The following ASIC2 variants were observed in gnomAD, a reference collection of about 807,000 sequenced individuals.
ASIC2 encodes the protein acid sensing ion channel subunit 2.
ASIC2 carries 25 observed loss-of-function variants against 57.3 expected under a neutral mutation model. That is an observed-to-expected ratio of 0.44 (90% CI 0.32 to 0.61). The LOEUF (loss-of-function observed/expected upper bound fraction) is 0.61. Ranked by LOEUF, ASIC2 falls within the 20% of genes least tolerant of loss-of-function variation. ASIC2 has a pLI of 0.06. For missense variants in ASIC2, 641 were observed against 738.1 expected (o/e 0.87, Z 1.52); for synonymous variants, 319 against 307.5 (o/e 1.04, Z -0.39).
At chr17:33,374,913 T>C (rs566977576) in intron 1 of ASIC2, among the ~76,000 whole-genome samples, 2 of 152,294 alleles carry the variant, frequency 1.3e-5, no homozygotes, top group East Asian at 1.9e-4. Flanking sequence ...ATGAGAGTTA[T>C]GGAGAATAAC....
chr17:34,137,668 T>C (rs1912162096), intron 1 of ASIC2, among the ~76,000 whole-genome samples: 1 of 152,164 alleles, frequency 6.6e-6, no homozygotes, highest in Admixed American at 6.5e-5. Context: ...ATTGGGTAGC[T>C]TACAAACAAC....
intron 1 of ASIC2, among the ~76,000 whole-genome samples, chr17:33,424,381 A>G (rs1212627343): frequency 1.3e-5 from 2 of 152,186 alleles, no homozygotes; most frequent in Non-Finnish European, 2.9e-5. Context: ...GAGAGAAACT[A>G]GGGGGTTATA....
chr17:33,321,897 G>A (rs902203284), intron 1 of ASIC2, among the ~76,000 whole-genome samples: 1 of 152,194 alleles, frequency 6.6e-6, no homozygotes, highest in African/African-American at 2.4e-5. Flanking sequence ...GGCTGGTTTG[G>A]ACCAGACATT....
intron 1 of ASIC2, among the ~76,000 whole-genome samples, chr17:34,088,683 G>A (rs1355395888): frequency 1.3e-5 from 2 of 152,186 alleles, no homozygotes; most frequent in Admixed American, 6.5e-5. Flanking sequence ...GCTGTGGTGG[G>A]CTCCACCCAG....
At chr17:33,565,942 C>G (rs911971413) in intron 1 of ASIC2, 1 of 152,254 alleles carries the variant, frequency 6.6e-6, no homozygotes. Context: ...ACTGTCACAC[C>G]TGGGGCTGAT....
At chr17:33,454,733 C>A (rs1451506137) in intron 1 of ASIC2, among the ~76,000 whole-genome samples, 1 of 152,138 alleles carries the variant, frequency 6.6e-6, no homozygotes, top group Non-Finnish European at 1.5e-5. Context: ...GCTGAGAATT[C>A]CAAGATCAAG....
intron 3 of ASIC2, among the ~76,000 whole-genome samples, chr17:33,033,028 G>T (rs1423701617): frequency 6.6e-6 from 1 of 152,084 alleles, no homozygotes; most frequent in East Asian, 1.9e-4. Flanking sequence ...CCAACACTTT[G>T]GGAGGCAAGG....
At chr17:33,584,005 G>A (rs1224929444) in intron 1 of ASIC2, among the ~76,000 whole-genome samples, 4 of 152,166 alleles carry the variant, frequency 2.6e-5, no homozygotes, top group Non-Finnish European at 4.4e-5. Flanking sequence ...AGAGCTACAG[G>A]CCTTTTGGAT....
chr17:33,352,505 A>G (rs2142250289), intron 1 of ASIC2, among the ~76,000 whole-genome samples: 1 of 152,284 alleles, frequency 6.6e-6, no homozygotes, highest in Non-Finnish European at 1.5e-5. Context: ...GAGAAGCTTT[A>G]GAGAAGATGA....
At chr17:34,100,522 A>G (rs1451381910) in intron 1 of ASIC2, among the ~76,000 whole-genome samples, 1 of 152,168 alleles carries the variant, frequency 6.6e-6, no homozygotes, top group Non-Finnish European at 1.5e-5. Context: ...AATTATCTTC[A>G]GACTTTGTCA....
chr17:33,870,661 G>C (rs1048552327), intron 1 of ASIC2, among the ~76,000 whole-genome samples: 1 of 152,080 alleles, frequency 6.6e-6, no homozygotes, highest in Admixed American at 6.5e-5. Flanking sequence ...GAGCCTCTTA[G>C]AAATAGGGAA....
intron 1 of ASIC2, among the ~76,000 whole-genome samples, chr17:33,982,247 T>G (rs1905652515): frequency 6.6e-6 from 1 of 152,222 alleles, no homozygotes; most frequent in Non-Finnish European, 1.5e-5. Context: ...TTATTTACCC[T>G]GCAATTACAT....
chr17:34,082,551 A>G (rs752690123), intron 1 of ASIC2, among the ~76,000 whole-genome samples: 6 of 152,212 alleles, frequency 3.9e-5, no homozygotes, highest in Non-Finnish European at 8.8e-5. Context: ...GACTGATAAA[A>G]ATACTACCAA....
At chr17:33,664,338 C>T (rs1436523275) in intron 1 of ASIC2, among the ~76,000 whole-genome samples, 6 of 152,202 alleles carry the variant, frequency 3.9e-5, no homozygotes, top group African/African-American at 1.4e-4. Flanking sequence ...CTGTGCTTTC[C>T]TCTCAGCAGC....
chr17:33,752,959 A>G (rs1016495166), intron 1 of ASIC2, among the ~76,000 whole-genome samples: 4 of 152,222 alleles, frequency 2.6e-5, no homozygotes, highest in African/African-American at 9.7e-5. Flanking sequence ...TATTTCCCCA[A>G]ACAAGTTAAA....
At chr17:33,028,740 C>T (rs1178663129) in intron 3 of ASIC2, among the ~76,000 whole-genome samples, 1 of 152,084 alleles carries the variant, frequency 6.6e-6, no homozygotes, top group African/African-American at 2.4e-5. Context: ...GAGTCTCTTA[C>T]CCCCACCATG....
intron 1 of ASIC2, among the ~76,000 whole-genome samples, chr17:33,126,231 C>T (rs980082087): frequency 3.3e-5 from 5 of 152,198 alleles, no homozygotes; most frequent in Non-Finnish European, 7.3e-5. Context: ...GGCTTTTTTA[C>T]TGAGATGGAT....
At chr17:33,114,648 G>A (rs2092273549) in intron 1 of ASIC2, among the ~76,000 whole-genome samples, 1 of 152,226 alleles carries the variant, frequency 6.6e-6, no homozygotes, top group African/African-American at 2.4e-5. Context: ...CCCTGCCAAA[G>A]CATGCCCAGT....
chr17:33,324,002 C>G (rs1009140471), intron 1 of ASIC2, among the ~76,000 whole-genome samples: 1 of 152,158 alleles, frequency 6.6e-6, no homozygotes, highest in Non-Finnish European at 1.5e-5. Context: ...ATATATTATA[C>G]AGCAATCAAA....
Sources: allele counts gnomAD v4.1 joint callset (sites outside exome capture counted in the v4.1 genomes callset), GRCh38; gene constraint gnomAD v4.1.1; transcripts MANE v1.5; gene names NCBI Gene and HGNC (gene_info 2026-07-23, HGNC 2026-07-21).